IGFBP5: variants seen among roughly 807,000 people sequenced by gnomAD.
IGFBP5 encodes insulin-like growth factor-binding protein 5.
In IGFBP5, 12 loss-of-function variants were observed where a neutral mutation model predicts 28.0. That is an observed-to-expected ratio of 0.43 (90% CI 0.27 to 0.69). IGFBP5 has a LOEUF of 0.69. Ranked by LOEUF, IGFBP5 falls within the 30% of genes least tolerant of loss-of-function variation. The pLI is 0.20. For synonymous variants in IGFBP5, 152 were observed against 150.2 expected (o/e 1.01, Z -0.09); for missense variants, 344 against 381.6 (o/e 0.90, Z 0.82).
chr2:216,677,714 A>G (rs1305390921), intron 3 of IGFBP5, among the ~76,000 whole-genome samples: 1 of 152,220 alleles, frequency 6.6e-6, no homozygotes, highest in Non-Finnish European at 1.5e-5. Flanking sequence ...TGGAAATCTA[A>G]GAACCATTGC....
Position 216,679,114 on chromosome 2 carries a change from G to C in IGFBP5, c.338-35C>G. 1.3e-6 allele frequency: 2 copies of C among 1,583,058 alleles called. No homozygotes were observed. Among genetic ancestry groups the C allele is most frequent in the Non-Finnish European group, 1.7e-6 (2 of 1,152,296 alleles). On this transcript the variant is annotated intron_variant, in intron 1 of 3. Transcript: ENST00000233813. The surrounding 1 kb of genome is among the most constrained non-coding windows in gnomAD (Gnocchi z 4.6). ...AAGGAGCCGGAGGGTCAGCCCCCGT[G>C]GGCCAAGGTGCACACGGCCAGAGCC... is the stretch of plus-strand genomic sequence containing the variant.
intron 1 of IGFBP5, among the ~76,000 whole-genome samples, chr2:216,689,698 G>A (rs1340354105): frequency 6.6e-6 from 1 of 152,200 alleles, no homozygotes; most frequent in Non-Finnish European, 1.5e-5. Context: ...CCACATCTTG[G>A]GCAAGTGACT....
At chr2:216,687,815 C>T (rs1393889966) in intron 1 of IGFBP5, among the ~76,000 whole-genome samples, 1 of 152,194 alleles carries the variant, frequency 6.6e-6, no homozygotes, top group African/African-American at 2.4e-5. Context: ...GCCACAGCCA[C>T]ATCCCCCCAA....
rs1466824492 is a variant in IGFBP5 at position 216,692,197 on chromosome 2, G to A, written c.337+2242C>T. 2.6e-5 allele frequency among the ~76,000 whole-genome samples: 4 copies of A among 152,310 alleles called. No homozygotes were observed. In the East Asian group the frequency reaches 7.7e-4, roughly 29 times the overall value. ...GGAGCGCCGCCAACCCGCAACAGCA[G>A]CCGGCCGGGCACCTGCCTTCGGCGG... On this transcript the variant is annotated intron_variant, in intron 1 of 3. Transcript: ENST00000233813. The surrounding 1 kb of genome is among the most constrained non-coding windows in gnomAD (Gnocchi z 4.2).
chr2:216,672,309 T>G lies in IGFBP5; in HGVS notation c.*4442A>C, dbSNP rs567938503. 8.6e-5 allele frequency: 13 copies of G among 151,066 alleles called. 1 individual carries two copies. In the South Asian group the frequency reaches 2.5e-3, roughly 29 times the overall value. 9.4% of individuals were successfully genotyped at this position (151,066 alleles called of 1,614,324 possible). The stretch of plus-strand genomic sequence containing the variant: ...GCTCTTCCGCATTCAGGTGTTTTTT[T>G]TTTTTTTTTCGGCTTTTTTTTTTTT... On this transcript the variant is annotated 3_prime_UTR_variant, in exon 4 of 4. Coordinates refer to ENST00000233813, the MANE Select transcript of IGFBP5 (RefSeq NM_000599.4).
intron 1 of IGFBP5, among the ~76,000 whole-genome samples, chr2:216,690,619 A>C (rs772407918): frequency 6.6e-6 from 1 of 151,216 alleles, no homozygotes; most frequent in Non-Finnish European, 1.5e-5. Flanking sequence ...CACCCTCTGC[A>C]GCTGCAGGCC....
At position 216,679,040 on chromosome 2, in the gene IGFBP5, T is replaced by TC; in HGVS notation, c.376dup (p.Glu126GlyfsTer25). 6.2e-7 allele frequency: 1 copy of TC among 1,614,124 alleles called. No individual in the cohort carries two copies. Among genetic ancestry groups the TC allele is most frequent in the Non-Finnish European group, 8.5e-7 (1 of 1,180,034 alleles). ...GGGGGAGTAGGTCTCCTCGGCCATC[T>TC]CAGAGGTGGTGGGCTCCTCGTGCTC... On this transcript the variant is annotated frameshift_variant, in exon 2 of 4. Coordinates refer to ENST00000233813, the MANE Select transcript of IGFBP5 (RefSeq NM_000599.4). LOFTEE classifies it high-confidence loss of function. This position sits in a 1 kb window ranked among gnomAD's most constrained non-coding sequence, Gnocchi z 4.6.
chr2:216,682,929 C>T (rs1417903433), intron 1 of IGFBP5, among the ~76,000 whole-genome samples: 1 of 151,974 alleles, frequency 6.6e-6, no homozygotes, highest in Non-Finnish European at 1.5e-5. Flanking sequence ...AGGATGGTCT[C>T]GATCTCCTGA....
rs555983001 is a variant in IGFBP5 at position 216,679,813 on chromosome 2, C to T, written c.338-734G>A. 7.9e-5 allele frequency among the ~76,000 whole-genome samples: 12 copies of T among 152,148 alleles called. No individual in the cohort carries two copies. Among genetic ancestry groups the T allele is most frequent in the African/African-American group, 2.2e-4 (9 of 41,520 alleles). The stretch of plus-strand genomic sequence containing the variant: ...TCTGGCTCAGAACTGGCGCGGTGCT[C>T]GGGGGCCTGGGAGGCTGGGACGTTA... On this transcript the variant is annotated intron_variant, in intron 1 of 3. Transcript: ENST00000233813. This position sits in a 1 kb window ranked among gnomAD's most constrained non-coding sequence, Gnocchi z 4.6.
At chr2:216,676,922 C>A (rs771790535) in intron 3 of IGFBP5, 40 bp from the exon 4 acceptor site, 3 of 1,606,308 alleles carry the variant, frequency 1.9e-6, no homozygotes, top group Admixed American at 1.7e-5. Context: ...GACGGCCGCA[C>A]CCCAGGGCTC....
At chr2:216,690,325 G>A (rs1689081131) in intron 1 of IGFBP5, among the ~76,000 whole-genome samples, 1 of 152,116 alleles carries the variant, frequency 6.6e-6, no homozygotes, top group African/African-American at 2.4e-5. Flanking sequence ...TCTGGCCCCT[G>A]GTTGGTACCT....
intron 3 of IGFBP5, 33 bp downstream of exon 3, chr2:216,678,079 G>C: frequency 7.0e-7 from 1 of 1,418,632 alleles, no homozygotes. Context: ...TTTTGGAGCA[G>C]TCTGAGCCTG....
chr2:216,676,972 G>A, intron 3 of IGFBP5, 90 bp from the exon 4 acceptor site: 1 of 1,444,476 alleles, frequency 6.9e-7, no homozygotes, highest in Non-Finnish European at 9.5e-7. Flanking sequence ...CCCAAGGCAA[G>A]ACTCTCATCC....
Position 216,678,140 on chromosome 2 carries a change from T to G in IGFBP5, c.659A>C (p.Asp220Ala), listed in dbSNP as rs769365043. 4 of 1,569,774 alleles carry G rather than the reference T, an allele frequency of 2.5e-6. No homozygotes were observed. Among genetic ancestry groups the G allele is most frequent in the Non-Finnish European group, 2.6e-6 (3 of 1,153,112 alleles). Residue 220 changes from aspartate (D) to alanine (A), a missense_variant, in exon 3 of 4, where the codon GAC becomes GCC. Asp to Ala is a moderately radical substitution (Grantham distance 126). Around this residue, in one of 3 missense-constraint regions of IGFBP5, gnomAD observed 304 missense variants for 329.2 expected, o/e 0.92. Transcript: ENST00000233813. ...CTTTCTCTTGTAGAATCCTTTGCGG[T>G]CACAATTGGGCAGGTACACAGCACG... ...VPRAVYLPNC[D>A]RKGFYKRKQC...
chr2:216,674,715 G>A lies in IGFBP5; in HGVS notation c.*2036C>T, dbSNP rs897735800. 1 of 152,184 alleles carries A rather than the reference G, an allele frequency of 6.6e-6. No individual in the cohort carries two copies. Among genetic ancestry groups the A allele is most frequent in the African/African-American group, 2.4e-5 (1 of 41,448 alleles). 9.4% of individuals were successfully genotyped at this position (152,184 alleles called of 1,614,324 possible). A position where few individuals can be genotyped will look rare whatever the true frequency, so the allele number is the denominator to read the frequency against. ...TTGGAGAATGGGAGTTTCGGAATCT[G>A]GCTGCCGAGTGACAGCATCCCTGAA... On this transcript the variant is annotated 3_prime_UTR_variant, in exon 4 of 4. Coordinates refer to ENST00000233813, the MANE Select transcript of IGFBP5 (RefSeq NM_000599.4). This position sits in a 1 kb window ranked among gnomAD's most constrained non-coding sequence, Gnocchi z 4.4.
rs1402910766 is a variant in IGFBP5, at chr2:216,675,002, CAT to C, written c.*1747_*1748del. Reference sequence around the variant, plus strand: ...CTGGCTCTGCGGCCTGGATTAAGCTCATTTCTATTTTGCAACCCATTCCCCCA... The same window carrying C: ...CTGGCTCTGCGGCCTGGATTAAGCTCTTCTATTTTGCAACCCATTCCCCCA... On this transcript the variant is annotated 3_prime_UTR_variant, in exon 4 of 4. Transcript: ENST00000233813. 2 of 152,242 alleles carry C rather than the reference CAT, an allele frequency of 1.3e-5. No individual in the cohort carries two copies. The highest frequency in any genetic ancestry group is 4.8e-5 in the African/African-American group (2 of 41,448). The allele number at this position is 152,242 out of a possible 1,614,324, so 9.4% of individuals were successfully genotyped here.
chr2:216,678,785 A>G, intron 2 of IGFBP5, 65 bp downstream of exon 2: 1 of 1,339,816 alleles, frequency 7.5e-7, no homozygotes, highest in Non-Finnish European at 1.0e-6. Context: ...GCCGCCATGA[A>G]TGTCCATTTA....
chr2:216,693,740 A>G (rs555010066), intron 1 of IGFBP5, among the ~76,000 whole-genome samples: 2 of 152,176 alleles, frequency 1.3e-5, no homozygotes, highest in African/African-American at 2.4e-5. Context: ...GGGATAAAAT[A>G]AAAGTCATTT....
At position 216,679,203 on chromosome 2, in the gene IGFBP5, C is replaced by G. The variant is rs553238756; in HGVS notation, c.338-124G>C. The G allele has an allele frequency of 1.4e-6, 1 of 721,876 alleles. No individual in the cohort carries two copies. The highest frequency in any genetic ancestry group is 1.5e-5 in the South Asian group (1 of 67,016). The allele number at this position is 721,876 out of a possible 1,614,324, so 44.7% of individuals were successfully genotyped here. On this transcript the variant is annotated intron_variant, in intron 1 of 3. Transcript: ENST00000233813. This position sits in a 1 kb window ranked among gnomAD's most constrained non-coding sequence, Gnocchi z 4.6. ...CTGAAGCAGATGTGTCTCTGCCCTCCTGGAGCACACCCTGAAAGCAGGGGG... is the reference window on the plus strand; with the variant it reads ...CTGAAGCAGATGTGTCTCTGCCCTCGTGGAGCACACCCTGAAAGCAGGGGG...
Sources: allele counts gnomAD v4.1 joint callset (sites outside exome capture counted in the v4.1 genomes callset), GRCh38; gene constraint gnomAD v4.1.1; regional missense constraint gnomAD v4.1.1; non-coding constraint Gnocchi (gnomAD v3.1); transcripts MANE v1.5; gene names NCBI Gene and HGNC (gene_info 2026-07-23, HGNC 2026-07-21).